The following IL23R variants were observed in gnomAD, a reference collection of about 807,000 sequenced individuals.
IL23R encodes the protein interleukin-23 receptor.
In IL23R, 34 loss-of-function variants were observed where a neutral mutation model predicts 56.9. That is an observed-to-expected ratio of 0.60 (90% CI 0.45 to 0.80). The LOEUF is 0.80. IL23R is among the 30% of genes least tolerant of loss of function. The pLI is 0.00. For synonymous variants in IL23R, 230 were observed against 249.2 expected (o/e 0.92, Z 0.73); for missense variants, 635 against 730.0 (o/e 0.87, Z 1.50).
chr1:67,167,119 G>A (rs978599870), intron 1 of IL23R, among the ~76,000 whole-genome samples: 4 of 152,084 alleles, frequency 2.6e-5, no homozygotes, highest in African/African-American at 7.2e-5. Flanking sequence ...TAGGGGGTGC[G>A]GGGGACAAGG....
chr1:67,207,096 G>T, intron 6 of IL23R, 41 bp downstream of exon 6: 1 of 1,603,080 alleles, frequency 6.2e-7, no homozygotes, highest in Non-Finnish European at 8.5e-7. Flanking sequence ...GTGAATGAAT[G>T]ATTTAAAAGC....
chr1:67,251,113 G>A (rs558407036), intron 9 of IL23R, among the ~76,000 whole-genome samples: 3 of 152,220 alleles, frequency 2.0e-5, no homozygotes, highest in Admixed American at 2.0e-4. Context: ...TCAGTCGACT[G>A]AGAAGAAAAA....
chr1:67,247,590 C>T (rs1291365643), intron 9 of IL23R, among the ~76,000 whole-genome samples: 1 of 152,132 alleles, frequency 6.6e-6, no homozygotes, highest in African/African-American at 2.4e-5. Context: ...AGGCATGAGC[C>T]ACCGTGCCCA....
intron 4 of IL23R, among the ~76,000 whole-genome samples, chr1:67,183,547 A>G (rs948205153): frequency 1.3e-5 from 2 of 152,206 alleles, no homozygotes; most frequent in African/African-American, 4.8e-5. Flanking sequence ...AAAATAAAAT[A>G]AAATAATAAA....
chr1:67,188,244 G>A (rs1003975465), intron 4 of IL23R, among the ~76,000 whole-genome samples: 1 of 152,112 alleles, frequency 6.6e-6, no homozygotes, highest in African/African-American at 2.4e-5. Flanking sequence ...ATCTTCAGAT[G>A]CTGTATCTCC....
chr1:67,252,102 G>GT (rs527647539), intron 9 of IL23R, among the ~76,000 whole-genome samples: 258 of 152,218 alleles, frequency 1.7e-3, no homozygotes, highest in African/African-American at 6.1e-3. Flanking sequence ...TGCTATTTCT[G>GT]TAAGACTTTG....
At chr1:67,226,386 G>C (rs981054742) in intron 7 of IL23R, among the ~76,000 whole-genome samples, 2 of 152,190 alleles carry the variant, frequency 1.3e-5, no homozygotes, top group Admixed American at 6.5e-5. Flanking sequence ...TAGCGGGATA[G>C]ATAGGGAGCT....
At chr1:67,180,158 A>G (rs2361242) in intron 3 of IL23R, among the ~76,000 whole-genome samples, 3,600 of 152,162 alleles carry the variant, frequency 0.024, 132 homozygotes, top group African/African-American at 0.082. Context: ...GCTGAGTTCA[A>G]TTCCTGGATA....
intron 9 of IL23R, among the ~76,000 whole-genome samples, chr1:67,254,078 T>C (rs1220569789): frequency 1.3e-5 from 2 of 152,022 alleles, no homozygotes; most frequent in Non-Finnish European, 2.9e-5. Flanking sequence ...TTATTTATTA[T>C]TATTTTTTGA....
At chr1:67,186,176 G>A (rs1278025633) in intron 4 of IL23R, among the ~76,000 whole-genome samples, 1 of 152,136 alleles carries the variant, frequency 6.6e-6, no homozygotes, top group Non-Finnish European at 1.5e-5. Flanking sequence ...CAGTATGGCA[G>A]CAAACTTTGC....
rs1019572891 is a variant in IL23R, at chr1:67,259,103, A to G, written c.1865A>G (p.Asn622Ser). The G allele has an allele frequency of 6.2e-7, 1 of 1,613,940 alleles. No homozygotes were observed. Among genetic ancestry groups the G allele is most frequent in the Non-Finnish European group, 8.5e-7 (1 of 1,179,922 alleles). Reference sequence around the variant, plus strand: ...CAAAATATTTTGGAAAGCCACTTCAATAGGATTTCACTCTTGGAAAAGTAG... The same window carrying G: ...CAAAATATTTTGGAAAGCCACTTCAGTAGGATTTCACTCTTGGAAAAGTAG... ...FPQNILESHF[N>S]RISLLEK The change falls in exon 11 of 11, where the codon AAT becomes AGT. Residue 622 changes from asparagine to serine, a missense_variant. Asn to Ser is a conservative substitution (Grantham distance 46). Coordinates refer to ENST00000347310, the MANE Select transcript of IL23R (RefSeq NM_144701.3).
At chr1:67,179,582 T>C (rs924834933) in intron 3 of IL23R, among the ~76,000 whole-genome samples, 13 of 152,190 alleles carry the variant, frequency 8.5e-5, no homozygotes, top group East Asian at 5.8e-4. Flanking sequence ...CCTGGATTCA[T>C]TGATTTTTTG....
chr1:67,219,896 G>C (rs1414595418), intron 7 of IL23R, among the ~76,000 whole-genome samples, 166 bp downstream of exon 7: 3 of 152,012 alleles, frequency 2.0e-5, no homozygotes, highest in African/African-American at 7.3e-5. Context: ...TGAGACCCTA[G>C]TCTGTACAGA....
At chr1:67,243,313 C>CT (rs56982680) in intron 9 of IL23R, among the ~76,000 whole-genome samples, 62,177 of 151,134 alleles carry the variant, frequency 0.41, 15,762 homozygotes, top group African/African-American at 0.71. Flanking sequence ...GCGGATTTCT[C>CT]TTTTTTTTTC....
chr1:67,164,774 T>A (rs368460236), upstream of IL23R, among the ~76,000 whole-genome samples: 52 of 152,360 alleles, frequency 3.4e-4, no homozygotes, highest in South Asian at 9.9e-3. Flanking sequence ...TGTTGCTTAA[T>A]GACTGGGATA....
At chr1:67,211,851 C>A (rs1649499284) in intron 6 of IL23R, among the ~76,000 whole-genome samples, 1 of 152,120 alleles carries the variant, frequency 6.6e-6, no homozygotes, top group African/African-American at 2.4e-5. Flanking sequence ...CTTTTCAAAA[C>A]CTTCTCTTTA....
chr1:67,210,126 T>C (rs1649353961), intron 6 of IL23R, among the ~76,000 whole-genome samples: 1 of 152,174 alleles, frequency 6.6e-6, no homozygotes, highest in Non-Finnish European at 1.5e-5. Context: ...TTAAAGATGA[T>C]GATAATCCGA....
chr1:67,260,305 T>C (rs562749886), downstream of IL23R, among the ~76,000 whole-genome samples: 1 of 152,304 alleles, frequency 6.6e-6, no homozygotes, highest in Non-Finnish European at 1.5e-5. Flanking sequence ...ATTTATACTA[T>C]AATAGAACCT....
At chr1:67,188,037 G>C (rs1297896905) in intron 4 of IL23R, among the ~76,000 whole-genome samples, 1 of 152,100 alleles carries the variant, frequency 6.6e-6, no homozygotes, top group Non-Finnish European at 1.5e-5. Context: ...GGGCTACAGA[G>C]TGAGACTCCA....
Sources: allele counts gnomAD v4.1 joint callset (sites outside exome capture counted in the v4.1 genomes callset), GRCh38; gene constraint gnomAD v4.1.1; transcripts MANE v1.5; gene names NCBI Gene and HGNC (gene_info 2026-07-23, HGNC 2026-07-21).